The following COX7B2 variants were observed in gnomAD, a reference collection of about 807,000 sequenced individuals.
The protein encoded by COX7B2 is cytochrome c oxidase subunit 7B2, mitochondrial.
For synonymous variants in COX7B2, 37 were observed against 32.1 expected (o/e 1.15, Z -0.51); for missense variants, 109 against 95.9 (o/e 1.14, Z -0.57).
At chr4:46,767,581 A>G (rs184952108) in intron 2 of COX7B2, among the ~76,000 whole-genome samples, 25 of 152,328 alleles carry the variant, frequency 1.6e-4, no homozygotes, top group Admixed American at 5.2e-4. Flanking sequence ...AACATTCTCC[A>G]GGTTAGATAT....
At chr4:46,781,103 C>T (rs574809664) in intron 2 of COX7B2, among the ~76,000 whole-genome samples, 40 of 152,192 alleles carry the variant, frequency 2.6e-4, no homozygotes, top group Non-Finnish European at 5.0e-4. Flanking sequence ...CAGCTTTGAT[C>T]ATATGTACCA....
At chr4:46,832,135 G>A (rs191255833) in intron 2 of COX7B2, among the ~76,000 whole-genome samples, 7 of 152,238 alleles carry the variant, frequency 4.6e-5, no homozygotes, top group African/African-American at 1.2e-4. Context: ...CTTCCACACC[G>A]TGGAAGGTTT....
At chr4:46,822,728 T>C (rs1010095156) in intron 2 of COX7B2, among the ~76,000 whole-genome samples, 1 of 152,316 alleles carries the variant, frequency 6.6e-6, no homozygotes, top group South Asian at 2.1e-4. Flanking sequence ...ATGTATTTCA[T>C]GGGCCTATTA....
At chr4:46,749,697 C>A (rs1392518017) in intron 2 of COX7B2, among the ~76,000 whole-genome samples, 1 of 152,148 alleles carries the variant, frequency 6.6e-6, no homozygotes, top group Non-Finnish European at 1.5e-5. Flanking sequence ...TGTGTTAATT[C>A]ATCTAATGGA....
chr4:46,784,453 C>T (rs1717643972), intron 2 of COX7B2, among the ~76,000 whole-genome samples: 2 of 151,958 alleles, frequency 1.3e-5, no homozygotes, highest in African/African-American at 4.8e-5. Flanking sequence ...GGTGAAATTC[C>T]GTCTCTATTA....
intron 2 of COX7B2, among the ~76,000 whole-genome samples, chr4:46,808,106 C>G (rs1719097078): frequency 6.6e-6 from 1 of 151,732 alleles, no homozygotes; most frequent in African/African-American, 2.4e-5. Context: ...TTGCATATGA[C>G]TTTCTGTACT....
In COX7B2 at chr4:46,734,987, G is replaced by A. The variant is rs1714269616; in HGVS notation, c.206C>T (p.Pro69Leu). 1.2e-6 allele frequency: 2 copies of A among 1,613,706 alleles called. No homozygotes were observed. The highest frequency in any genetic ancestry group is 1.7e-6 in the Non-Finnish European group (2 of 1,179,764). The change falls in exon 3 of 3, where the codon CCT becomes CTT. Residue 69 changes from proline (P) to leucine (L), a missense_variant. Coordinates refer to ENST00000355591, the MANE Select transcript of COX7B2 (RefSeq NM_130902.3). ...TQIGIEWNLS[P>L]VGRVTPKEWK... ...CTCTTTTGGGGTAACTCTGCCAACA[G>A]GGGATAGGTTCCATTCTATTCCAAT...
chr4:46,741,603 G>A (rs1032482792), intron 2 of COX7B2, among the ~76,000 whole-genome samples: 1 of 151,876 alleles, frequency 6.6e-6, no homozygotes, highest in Non-Finnish European at 1.5e-5. Flanking sequence ...CCCTACCATG[G>A]GATGCAAAAA....
intron 1 of COX7B2, among the ~76,000 whole-genome samples, chr4:46,864,962 T>G (rs149400503): frequency 6.6e-6 from 1 of 152,118 alleles, no homozygotes; most frequent in Non-Finnish European, 1.5e-5. Flanking sequence ...TGATTATTAT[T>G]ATGATTATTT....
intron 2 of COX7B2, among the ~76,000 whole-genome samples, chr4:46,811,868 C>T (rs932119068): frequency 1.3e-5 from 2 of 152,164 alleles, no homozygotes; most frequent in African/African-American, 4.8e-5. Flanking sequence ...CTACATTCAG[C>T]TTCTTCCACT....
rs1327856395 is a variant in COX7B2 at position 46,754,716 on chromosome 4, G to GTATATATATATATA, written c.-49-19476_-49-19475insTATATATATATATA. ...AAAATACGTGTGTGTGTGTGTGTGT[G>GTATATATATATATA]TGTGTGTGTGTGTATATATATATAT... is the stretch of plus-strand genomic sequence containing the variant. On this transcript the variant is annotated intron_variant, in intron 2 of 2. Coordinates refer to ENST00000355591, the MANE Select transcript of COX7B2 (RefSeq NM_130902.3). Among the ~76,000 whole-genome samples, 9 of 21,846 alleles carry GTATATATATATATA rather than the reference G, an allele frequency of 4.1e-4. No homozygotes were observed. The East Asian group carries it at 9.1e-3, about 22-fold the overall frequency. 14.3% of individuals were successfully genotyped at this position (21,846 alleles called of 152,430 possible). A position where few individuals can be genotyped will look rare whatever the true frequency, so the allele number is the denominator to read the frequency against.
intron 2 of COX7B2, among the ~76,000 whole-genome samples, chr4:46,812,421 C>T (rs73142944): frequency 6.6e-6 from 1 of 151,738 alleles, no homozygotes; most frequent in Non-Finnish European, 1.5e-5. Flanking sequence ...AACTTGGGCA[C>T]AGCTGCAATT....
intron 1 of COX7B2, among the ~76,000 whole-genome samples, chr4:46,874,359 A>C (rs1024420067): frequency 1.3e-5 from 2 of 152,248 alleles, no homozygotes; most frequent in African/African-American, 2.4e-5. Context: ...CGCAGTGAAG[A>C]TACAAGAGGT....
intron 1 of COX7B2, among the ~76,000 whole-genome samples, chr4:46,905,286 C>G: frequency 6.6e-6 from 1 of 152,008 alleles, no homozygotes; most frequent in South Asian, 2.1e-4. Flanking sequence ...GGTTCAAAAA[C>G]AATACTAAAA....
At chr4:46,871,421 AG>A (rs750260471) in intron 1 of COX7B2, among the ~76,000 whole-genome samples, 1 of 152,200 alleles carries the variant, frequency 6.6e-6, no homozygotes, top group Non-Finnish European at 1.5e-5. Flanking sequence ...TCCTGCACAT[AG>A]GAACTTGCAA....
At chr4:46,847,410 G>A (rs546619817) in intron 1 of COX7B2, among the ~76,000 whole-genome samples, 3 of 152,094 alleles carry the variant, frequency 2.0e-5, no homozygotes, top group South Asian at 4.1e-4. Flanking sequence ...CCTATAGCTC[G>A]AAGAAAATAA....
At chr4:46,752,259 C>T (rs1465987453) in intron 2 of COX7B2, among the ~76,000 whole-genome samples, 1 of 151,644 alleles carries the variant, frequency 6.6e-6, no homozygotes, top group Non-Finnish European at 1.5e-5. Context: ...GATTTTTGCA[C>T]ATTGATTTTG....
At chr4:46,754,750 G>GTATATATATATATATATATATATATATA (rs1715672137) in intron 2 of COX7B2, among the ~76,000 whole-genome samples, 1 of 28,488 alleles carries the variant, frequency 3.5e-5, no homozygotes, top group African/African-American at 1.3e-4. Context: ...ATATATATAT[G>GTATATATATATATATATATATATATATA]AAAGAAATCC....
chr4:46,819,391 G>T (rs1313979751), intron 2 of COX7B2, among the ~76,000 whole-genome samples: 1 of 152,120 alleles, frequency 6.6e-6, no homozygotes, highest in Non-Finnish European at 1.5e-5. Flanking sequence ...AGGTAGGAAA[G>T]TCACTAAAAG....
Sources: gnomAD v4.1 joint callset for allele counts (sites outside exome capture counted in the v4.1 genomes callset) on GRCh38, gnomAD v4.1.1 for gene constraint, MANE v1.5 for transcripts, NCBI Gene and HGNC (gene_info 2026-07-23, HGNC 2026-07-21) for gene names.